Variants in ATRNL1 observed in about 807,000 individuals in gnomAD.
ATRNL1 encodes the protein attractin-like protein 1.
ATRNL1 carries 95 observed loss-of-function variants against 182.7 expected under a neutral mutation model. That is an observed-to-expected ratio of 0.52 (90% CI 0.44 to 0.62). The LOEUF (loss-of-function observed/expected upper bound fraction) is 0.62, where lower values mean the gene tolerates loss of function less well. ATRNL1 is among the 20% of genes least tolerant of loss of function. The probability of loss-of-function intolerance (pLI) is 0.00; values close to 1 mark genes in which losing one functional copy is unlikely to be tolerated. For synonymous variants in ATRNL1, 576 were observed against 568.3 expected (o/e 1.01, Z -0.19); for missense variants, 1,471 against 1,679.5 (o/e 0.88, Z 2.17).
chr10:115,474,265 T>G (rs1444236092), intron 24 of ATRNL1, among the ~76,000 whole-genome samples: 1 of 151,538 alleles, frequency 6.6e-6, no homozygotes, highest in South Asian at 2.1e-4. Context: ...CTTTTAGCAC[T>G]TTAAATATAT....
intron 5 of ATRNL1, among the ~76,000 whole-genome samples, chr10:115,130,743 A>G (rs1462788999): frequency 1.3e-5 from 2 of 152,116 alleles, no homozygotes; most frequent in Non-Finnish European, 2.9e-5. Context: ...TGAAACTAAA[A>G]TAACTGTCTT....
At chr10:115,115,591 A>C (rs1177694879) in intron 1 of ATRNL1, among the ~76,000 whole-genome samples, 3 of 152,134 alleles carry the variant, frequency 2.0e-5, no homozygotes, top group Non-Finnish European at 4.4e-5. Flanking sequence ...TAGTATTTTA[A>C]CTAGAAAATC....
At chr10:115,330,213 T>C (rs1855136462) in intron 18 of ATRNL1, among the ~76,000 whole-genome samples, 1 of 152,178 alleles carries the variant, frequency 6.6e-6, no homozygotes, top group South Asian at 2.1e-4. Flanking sequence ...ATAATTTACA[T>C]CTTATATTGT....
chr10:115,918,973 TG>T (rs1331184856), intron 28 of ATRNL1, among the ~76,000 whole-genome samples: 3 of 152,176 alleles, frequency 2.0e-5, no homozygotes, highest in African/African-American at 7.2e-5. Context: ...TGACTGTGAA[TG>T]CCTAAGATGA....
intron 14 of ATRNL1, among the ~76,000 whole-genome samples, chr10:115,281,896 G>A (rs1188367102): frequency 1.4e-5 from 2 of 147,852 alleles, no homozygotes; most frequent in Non-Finnish European, 3.0e-5. Flanking sequence ...ATATTTTAAG[G>A]CAACAATAAT....
intron 1 of ATRNL1, among the ~76,000 whole-genome samples, chr10:115,114,376 C>T (rs1844386483): frequency 6.6e-6 from 1 of 151,982 alleles, no homozygotes; most frequent in South Asian, 2.1e-4. Context: ...GCACAGACAG[C>T]AAAAGCAAAA....
At chr10:115,358,402 C>T (rs1040906003) in intron 19 of ATRNL1, among the ~76,000 whole-genome samples, 1 of 151,560 alleles carries the variant, frequency 6.6e-6, no homozygotes, top group African/African-American at 2.4e-5. Context: ...TCTTGCTTTA[C>T]GTCTTACCAT....
intron 6 of ATRNL1, among the ~76,000 whole-genome samples, chr10:115,161,566 T>A (rs372177667): frequency 2.6e-4 from 39 of 152,162 alleles, no homozygotes; most frequent in African/African-American, 8.9e-4. Flanking sequence ...ACAAGGAAGT[T>A]TGTAAATTTT....
chr10:115,164,506 A>G (rs1370886940), intron 6 of ATRNL1, among the ~76,000 whole-genome samples: 2 of 152,174 alleles, frequency 1.3e-5, no homozygotes, highest in African/African-American at 4.8e-5. Context: ...GTAAATCAGT[A>G]TATCAAAGCG....
chr10:115,121,529 A>T (rs1592128873), intron 2 of ATRNL1, among the ~76,000 whole-genome samples, 170 bp from the exon 3 acceptor site: 2 of 152,178 alleles, frequency 1.3e-5, no homozygotes, highest in African/African-American at 2.4e-5. Context: ...TCAATCTTTC[A>T]CCCTGATAAG....
chr10:115,233,753 G>T (rs1850059199), intron 9 of ATRNL1, among the ~76,000 whole-genome samples: 1 of 151,886 alleles, frequency 6.6e-6, no homozygotes, highest in African/African-American at 2.4e-5. Flanking sequence ...GCTGTTTTAG[G>T]AATGACTTAC....
At chr10:115,208,053 T>C (rs1456713464) in intron 8 of ATRNL1, among the ~76,000 whole-genome samples, 1 of 152,074 alleles carries the variant, frequency 6.6e-6, no homozygotes, top group Non-Finnish European at 1.5e-5. Flanking sequence ...TTGGACAGTT[T>C]ATATTTCTTT....
At position 115,610,922 on chromosome 10, in the gene ATRNL1, T is replaced by C. The variant is rs142063383; in HGVS notation, c.3795+61386T>C. Among the ~76,000 whole-genome samples the C allele has an allele frequency of 1.7e-3, 266 of 152,298 alleles. 1 individual carries two copies. Among genetic ancestry groups the C allele is most frequent in the African/African-American group, 6.1e-3 (254 of 41,582 alleles). On this transcript the variant is annotated intron_variant, in intron 26 of 28. Transcript: ENST00000355044. ...ATTGTAACTTTAAATTAATAAAGAT[T>C]ACCCTGAAGGGACAATAATAAATAT...
intron 9 of ATRNL1, among the ~76,000 whole-genome samples, chr10:115,236,901 T>A (rs1248642915): frequency 6.6e-6 from 1 of 152,216 alleles, no homozygotes; most frequent in East Asian, 1.9e-4. Context: ...ATCCTCTTGC[T>A]TATCTCTTCC....
At chr10:115,718,628 C>A (rs1947326918) in intron 26 of ATRNL1, among the ~76,000 whole-genome samples, 1 of 152,172 alleles carries the variant, frequency 6.6e-6, no homozygotes, top group African/African-American at 2.4e-5. Context: ...GAAATGAGAT[C>A]ATCTTTGGCA....
chr10:115,802,273 C>A (rs1949816461), intron 27 of ATRNL1, among the ~76,000 whole-genome samples: 1 of 152,098 alleles, frequency 6.6e-6, no homozygotes, highest in Non-Finnish European at 1.5e-5. Context: ...ATTCAGCAGG[C>A]AAGTGATTGA....
Position 115,847,888 on chromosome 10 carries a change from G to A in ATRNL1, c.3915G>A (p.Lys1305=), listed in dbSNP as rs1555099261. The A allele has an allele frequency of 3.1e-6, 5 of 1,607,166 alleles. No homozygotes were observed. The highest frequency in any genetic ancestry group is 1.7e-5 in the Admixed American group (1 of 59,828). ...GTTTTCTTTTTCAGGGGGCACCCAA[G>A]CCAATTGCCATTGAACCATGTGCTG... ...FLRGPLEGAP[K]PIAIEPCAGN... Residue 1305 remains lysine (K), a synonymous_variant, in exon 28 of 29, where the codon AAG becomes AAA. Transcript: ENST00000355044.
At chr10:115,905,752 T>C (rs782686219) in intron 28 of ATRNL1, among the ~76,000 whole-genome samples, 1 of 152,124 alleles carries the variant, frequency 6.6e-6, no homozygotes, top group Non-Finnish European at 1.5e-5. Context: ...TATTCCCCTT[T>C]CAAAGCACTC....
chr10:115,370,677 A>G (rs781891255), intron 19 of ATRNL1, among the ~76,000 whole-genome samples: 2 of 152,244 alleles, frequency 1.3e-5, no homozygotes, highest in Non-Finnish European at 2.9e-5. Context: ...AAAGGCATTC[A>G]GTTTTAAAAG....
Sources: allele counts gnomAD v4.1 joint callset (sites outside exome capture counted in the v4.1 genomes callset), GRCh38; gene constraint gnomAD v4.1.1; transcripts MANE v1.5; gene names NCBI Gene and HGNC (gene_info 2026-07-23, HGNC 2026-07-21).